The following AGBL4 variants were observed in gnomAD, a reference collection of about 807,000 sequenced individuals.
AGBL4 encodes cytosolic carboxypeptidase 6.
A neutral mutation model predicts 66.4 loss-of-function variants in AGBL4; 58 were observed. That is an observed-to-expected ratio of 0.87 (90% CI 0.71 to 1.09). The LOEUF is 1.09. AGBL4 is among the 50% of genes least tolerant of loss of function. The pLI is 0.00. For synonymous variants in AGBL4, 234 were observed against 222.9 expected (o/e 1.05, Z -0.44); for missense variants, 579 against 631.0 (o/e 0.92, Z 0.88).
chr1:49,394,461 G>A (rs558896062), intron 3 of AGBL4, among the ~76,000 whole-genome samples: 1 of 152,152 alleles, frequency 6.6e-6, no homozygotes, highest in African/African-American at 2.4e-5. Context: ...AAGCTGAGCA[G>A]CTTCTGTAAG....
chr1:48,893,168 A>G (rs1651139769), intron 5 of AGBL4, among the ~76,000 whole-genome samples: 1 of 152,114 alleles, frequency 6.6e-6, no homozygotes, highest in Non-Finnish European at 1.5e-5. Context: ...GCCTGTACCA[A>G]TGGGTGGTTT....
chr1:50,010,859 A>G (rs1356179645), intron 1 of AGBL4, among the ~76,000 whole-genome samples: 1 of 152,228 alleles, frequency 6.6e-6, no homozygotes, highest in Non-Finnish European at 1.5e-5. Flanking sequence ...TCAAACTATA[A>G]AACTACTACA....
intron 6 of AGBL4, among the ~76,000 whole-genome samples, chr1:48,733,322 A>G (rs1410178177): frequency 6.6e-6 from 1 of 152,158 alleles, no homozygotes; most frequent in African/African-American, 2.4e-5. Context: ...GCCCAGATGG[A>G]GAGAATCACC....
At chr1:49,101,399 G>T (rs1185898827) in intron 4 of AGBL4, among the ~76,000 whole-genome samples, 1 of 152,082 alleles carries the variant, frequency 6.6e-6, no homozygotes, top group Non-Finnish European at 1.5e-5. Flanking sequence ...TGTTGGCTAG[G>T]CTGGTCTGGA....
chr1:49,999,166 T>G (rs779237680), intron 1 of AGBL4, among the ~76,000 whole-genome samples: 22 of 152,152 alleles, frequency 1.4e-4, no homozygotes, highest in Non-Finnish European at 2.6e-4. Flanking sequence ...TACGATCATA[T>G]ACCCAGAAAA....
chr1:48,536,449 A>T (rs993201682), intron 12 of AGBL4, among the ~76,000 whole-genome samples: 1 of 152,208 alleles, frequency 6.6e-6, no homozygotes, highest in African/African-American at 2.4e-5. Context: ...TTTTGAGAGA[A>T]GGCATAATCT....
chr1:48,910,473 A>G (rs1178595640), intron 5 of AGBL4, among the ~76,000 whole-genome samples: 1 of 152,204 alleles, frequency 6.6e-6, no homozygotes, highest in East Asian at 1.9e-4. Context: ...CCTTAAAAGA[A>G]GAAAGTCTTT....
intron 5 of AGBL4, among the ~76,000 whole-genome samples, chr1:48,962,900 A>G (rs1033298153): frequency 6.6e-6 from 1 of 151,912 alleles, no homozygotes; most frequent in Admixed American, 6.6e-5. Context: ...AAGTGGAGAT[A>G]ATAACAATAT....
At chr1:49,791,115 TAAG>T (rs1047957993) in intron 2 of AGBL4, among the ~76,000 whole-genome samples, 2 of 152,124 alleles carry the variant, frequency 1.3e-5, no homozygotes, top group Middle Eastern at 3.4e-3. Flanking sequence ...AAGTGTGATA[TAAG>T]AAGTGTGAAA....
intron 5 of AGBL4, among the ~76,000 whole-genome samples, chr1:48,897,523 A>G (rs1651638078): frequency 6.6e-6 from 1 of 152,120 alleles, no homozygotes; most frequent in Non-Finnish European, 1.5e-5. Context: ...TCATATGTTA[A>G]TTCTATTTTT....
chr1:49,351,667 T>C (rs192809687), intron 3 of AGBL4, among the ~76,000 whole-genome samples: 1 of 152,246 alleles, frequency 6.6e-6, no homozygotes, highest in Non-Finnish European at 1.5e-5. Flanking sequence ...TTTATACAGA[T>C]TTTTTGTTAC....
chr1:49,680,756 A>G (rs1189171403), intron 3 of AGBL4, among the ~76,000 whole-genome samples: 4 of 152,124 alleles, frequency 2.6e-5, no homozygotes, highest in Non-Finnish European at 2.9e-5. Context: ...TGTATTTGCT[A>G]TGATTTAGAA....
chr1:49,542,550 A>G (rs1041356642), intron 3 of AGBL4, among the ~76,000 whole-genome samples: 1 of 152,158 alleles, frequency 6.6e-6, no homozygotes, highest in South Asian at 2.1e-4. Flanking sequence ...AATTCCGGAC[A>G]CATTTGGATC....
intron 6 of AGBL4, among the ~76,000 whole-genome samples, chr1:48,667,095 CTATATGGTTTTT>C (rs933728604): frequency 6.6e-6 from 1 of 152,086 alleles, no homozygotes; most frequent in African/African-American, 2.4e-5. Flanking sequence ...TAAAATCACC[CTATATGGTTTTT>C]AAAAAAACAT....
intron 2 of AGBL4, among the ~76,000 whole-genome samples, chr1:49,828,667 A>T (rs1645573789): frequency 6.6e-6 from 1 of 152,312 alleles, no homozygotes; most frequent in East Asian, 1.9e-4. Context: ...TCTGATGGGA[A>T]GCCAATGAAG....
chr1:49,542,432 C>T (rs979945961), intron 3 of AGBL4, among the ~76,000 whole-genome samples: 5 of 152,064 alleles, frequency 3.3e-5, no homozygotes, highest in Admixed American at 1.3e-4. Context: ...TCAACACATC[C>T]GAACATCAGA....
At chr1:49,818,642 T>C (rs891271839) in intron 2 of AGBL4, among the ~76,000 whole-genome samples, 1 of 152,040 alleles carries the variant, frequency 6.6e-6, no homozygotes, top group African/African-American at 2.4e-5. Context: ...GCTGCGATAA[T>C]CACATTACTC....
At chr1:48,873,456 C>T (rs1293973119) in intron 5 of AGBL4, among the ~76,000 whole-genome samples, 2 of 152,086 alleles carry the variant, frequency 1.3e-5, no homozygotes, top group African/African-American at 4.8e-5. Context: ...CCTGTCCTTC[C>T]CCATCAGAGC....
chr1:49,552,075 G>A (rs1430131065), intron 3 of AGBL4, among the ~76,000 whole-genome samples: 1 of 152,124 alleles, frequency 6.6e-6, no homozygotes, highest in Admixed American at 6.5e-5. Context: ...CAGGTTGTCA[G>A]GGAAGTGGGG....
Sources: gnomAD v4.1 joint callset for allele counts (sites outside exome capture counted in the v4.1 genomes callset) on GRCh38, gnomAD v4.1.1 for gene constraint, MANE v1.5 for transcripts, NCBI Gene and HGNC (gene_info 2026-07-23, HGNC 2026-07-21) for gene names.